Variants in DNHD1 observed in about 807,000 individuals in gnomAD.
DNHD1 encodes the protein dynein heavy chain domain-containing protein 1.
Under a neutral mutation model 458.1 loss-of-function variants are expected in DNHD1, and 383 were observed. The ratio of observed to expected loss-of-function variants is 0.84; its 90% confidence interval spans 0.77 to 0.91. The LOEUF is 0.91. Among genes scored for constraint, DNHD1 ranks in the 40% least tolerant of loss-of-function variants. DNHD1 has a pLI of 0.00. For missense variants in DNHD1, 5,336 were observed against 5,866.1 expected (o/e 0.91, Z 2.95); for synonymous variants, 2,203 against 2,376.9 (o/e 0.93, Z 2.13).
At chr11:6,530,712 C>T (rs1404944365) in intron 12 of DNHD1, among the ~76,000 whole-genome samples, 1 of 152,190 alleles carries the variant, frequency 6.6e-6, no homozygotes, top group Non-Finnish European at 1.5e-5. Flanking sequence ...CATTAGGTAT[C>T]CAGTGGGCCA....
chr11:6,567,191 A>C lies in DNHD1; in HGVS notation c.11682A>C (p.Pro3894=). ...VTKQALDSMK[P]REINHGEDLA... Reference sequence around the variant, plus strand: ...AGCAGGCTCTGGACAGCATGAAGCCACGTGAGATTAATCACGGGGAGGACC... The same window carrying C: ...AGCAGGCTCTGGACAGCATGAAGCCCCGTGAGATTAATCACGGGGAGGACC... Residue 3894 remains proline (P), a synonymous_variant, in exon 36 of 43, where the codon CCA becomes CCC. Transcript: ENST00000254579. 6.2e-7 allele frequency: 1 copy of C among 1,614,052 alleles called. No individual in the cohort carries two copies.
rs746351013 is a variant in DNHD1, at chr11:6,566,404, G to A, written c.11206+11G>A. ...GTGCCATGGAAAAAGGTGAGGCCCAGAGGGCAAATTGCCAGCACAGTTGTG... is the reference window on the plus strand; with the variant it reads ...GTGCCATGGAAAAAGGTGAGGCCCAAAGGGCAAATTGCCAGCACAGTTGTG... On this transcript the variant is annotated intron_variant, in intron 34 of 42. Coordinates refer to ENST00000254579, the MANE Select transcript of DNHD1 (RefSeq NM_144666.3). 4.9e-5 allele frequency: 77 copies of A among 1,558,226 alleles called. 1 individual carries two copies. The Admixed American group carries it at 1.4e-3, about 29-fold the overall frequency.
At chr11:6,569,369 G>C (rs1319645275) in intron 39 of DNHD1, among the ~76,000 whole-genome samples, 1 of 152,140 alleles carries the variant, frequency 6.6e-6, no homozygotes, top group Non-Finnish European at 1.5e-5. Context: ...TGTAGTCCCA[G>C]CTACTTGGGA....
At position 6,545,681 on chromosome 11, in the gene DNHD1, A is replaced by AC; in HGVS notation, c.4744dup (p.Arg1582ProfsTer14). ...GCCCTGCTGGTCATGGCAGTGACTCACCGGGATATAGCACAGCTGCTGGAA... is the reference window on the plus strand; with the variant it reads ...GCCCTGCTGGTCATGGCAGTGACTCACCCGGGATATAGCACAGCTGCTGGAA... On this transcript the variant is annotated frameshift_variant, in exon 21 of 43. Transcript: ENST00000254579. This position sits in a 1 kb window ranked among gnomAD's most constrained non-coding sequence, Gnocchi z 4.9. 6.4e-7 allele frequency: 1 copy of AC among 1,551,696 alleles called. No individual in the cohort carries two copies. The highest frequency in any genetic ancestry group is 8.7e-7 in the Non-Finnish European group (1 of 1,147,004).
intron 10 of DNHD1, 23 bp from the exon 11 acceptor site, chr11:6,528,499 A>T: frequency 1.3e-6 from 2 of 1,538,890 alleles, no homozygotes; most frequent in South Asian, 1.2e-5. Flanking sequence ...ACTCACGGAC[A>T]ATTATGGCCT....
In DNHD1 at chr11:6,571,152, C is replaced by A. The variant is rs749195884; in HGVS notation, c.13640C>A (p.Pro4547Gln). ...WRPHAPAGPQ[P>Q]PWHWLRQLSR... ...CCTCATGCGCCGGCCGGTCCGCAGCCGCCCTGGCACTGGCTGCGACAGTTG... is the reference window on the plus strand; with the variant it reads ...CCTCATGCGCCGGCCGGTCCGCAGCAGCCCTGGCACTGGCTGCGACAGTTG... Residue 4547 changes from proline to glutamine, a missense_variant, in exon 42 of 43, where the codon CCG (proline) becomes CAG (glutamine). By Grantham distance (76) the Pro-to-Gln change is moderately conservative. Around this residue, in one of 4 missense-constraint regions of DNHD1, gnomAD observed 698 missense variants for 664.9 expected, o/e 1.05. Coordinates refer to ENST00000254579, the MANE Select transcript of DNHD1 (RefSeq NM_144666.3). This position sits in a 1 kb window ranked among gnomAD's most constrained non-coding sequence, Gnocchi z 5.0. 1 of 1,602,554 alleles carries A rather than the reference C, an allele frequency of 6.2e-7. No homozygotes were observed. Among genetic ancestry groups the A allele is most frequent in the Non-Finnish European group, 8.5e-7 (1 of 1,175,522 alleles).
At chr11:6,533,336 A>C (rs1356351012) in intron 13 of DNHD1, among the ~76,000 whole-genome samples, 152 bp downstream of exon 13, 1 of 152,126 alleles carries the variant, frequency 6.6e-6, no homozygotes, top group Non-Finnish European at 1.5e-5. Flanking sequence ...GCTAATTCTT[A>C]CCCTGTCCAT....
Position 6,567,085 on chromosome 11 carries a change from C to T in DNHD1, c.11576C>T (p.Ala3859Val). 6.2e-7 allele frequency: 1 copy of T among 1,614,014 alleles called. No homozygotes were observed. The highest frequency in any genetic ancestry group is 8.5e-7 in the Non-Finnish European group (1 of 1,179,896). ...PYRPVVWHGM[A>V]MVKALSQLQN... The stretch of plus-strand genomic sequence containing the variant: ...CGACCTGTGGTTTGGCATGGAATGG[C>T]CATGGTAAAGGCCCTAAGCCAACTG... Residue 3859 changes from alanine to valine, a missense_variant, in exon 36 of 43, where the codon GCC becomes GTC. By Grantham distance (64) the Ala-to-Val change is moderately conservative (BLOSUM62 0). Coordinates refer to ENST00000254579, the MANE Select transcript of DNHD1 (RefSeq NM_144666.3).
At position 6,511,375 on chromosome 11, in the gene DNHD1, G is replaced by C. The variant is rs775348434; in HGVS notation, c.1338G>C (p.Lys446Asn). ...LQTALAEEKHKALRLLHRCLN... is the reference protein window; with the variant it reads ...LQTALAEEKHNALRLLHRCLN... ...CGGCTCTAGCCGAGGAGAAGCATAA[G>C]GCTCTACGGCTGCTCCATCGTTGCC... is the stretch of plus-strand genomic sequence containing the variant. Residue 446 changes from lysine (K) to asparagine (N), a missense_variant, in exon 7 of 43, where the codon AAG (lysine) becomes AAC (asparagine). Around this residue, in one of 4 missense-constraint regions of DNHD1, gnomAD observed 3,932 missense variants for 4,365.6 expected, o/e 0.90. Transcript: ENST00000254579. 5 of 1,614,134 alleles carry C rather than the reference G, an allele frequency of 3.1e-6. No homozygotes were observed. The African/African-American group carries it at 6.7e-5, about 22-fold the overall frequency.
chr11:6,502,904 G>T lies in DNHD1; in HGVS notation c.898G>T (p.Val300Leu). The T allele has an allele frequency of 6.2e-7, 1 of 1,613,646 alleles. No homozygotes were observed. Among genetic ancestry groups the T allele is most frequent in the African/African-American group, 1.3e-5 (1 of 75,004 alleles). ...LKKIHFLYLN[V>L]APSRYFRPYS... Reference sequence around the variant, plus strand: ...GAAGATCCACTTCCTCTATCTCAATGTGGCTCCCAGCCGGTACTTTAGGTG... The same window carrying T: ...GAAGATCCACTTCCTCTATCTCAATTTGGCTCCCAGCCGGTACTTTAGGTG... Residue 300 changes from valine to leucine, a missense_variant, in exon 4 of 43, where the codon GTG (valine) becomes TTG (leucine). Transcript: ENST00000254579.
At chr11:6,558,724 A>G in intron 26 of DNHD1, 31 bp downstream of exon 26, 1 of 1,543,732 alleles carries the variant, frequency 6.5e-7, no homozygotes, top group Non-Finnish European at 8.7e-7. Flanking sequence ...CTTACCACTC[A>G]TCTCTACCAG....
At chr11:6,526,893 G>A (rs1460381362) in intron 10 of DNHD1, among the ~76,000 whole-genome samples, 3 of 152,184 alleles carry the variant, frequency 2.0e-5, no homozygotes, top group Non-Finnish European at 4.4e-5. Context: ...CCCAGTAAAT[G>A]CTTGATGACT....
rs930399216 is a variant in DNHD1, at chr11:6,498,631, C to T, written c.416C>T (p.Ser139Phe). The T allele has an allele frequency of 6.2e-7, 1 of 1,614,224 alleles. No individual in the cohort carries two copies. The highest frequency in any genetic ancestry group is 8.5e-7 in the Non-Finnish European group (1 of 1,180,046). ...AIVQAFPPDS[S>F]LLDSASHADC... ...GTCCAGGCCTTTCCTCCAGACAGCT[C>T]TTTGTTAGACAGTGCTTCCCATGCT... is the stretch of plus-strand genomic sequence containing the variant. The change falls in exon 3 of 43, where the codon TCT becomes TTT. Residue 139 changes from serine (S) to phenylalanine (F), a missense_variant. By Grantham distance (155) the Ser-to-Phe change is radical (BLOSUM62 -2). Coordinates refer to ENST00000254579, the MANE Select transcript of DNHD1 (RefSeq NM_144666.3).
At position 6,509,253 on chromosome 11, in the gene DNHD1, G is replaced by A; in HGVS notation, c.1216G>A (p.Gly406Arg). Residue 406 changes from glycine (G) to arginine (R), a missense_variant, in exon 6 of 43, where the codon GGG becomes AGG. Around this residue, in one of 4 missense-constraint regions of DNHD1, gnomAD observed 3,932 missense variants for 4,365.6 expected, o/e 0.90. Transcript: ENST00000254579. The part of the protein sequence containing the change: ...LLLAVPHFGA[G>R]LLHISRLLQE... ...CTTGGCTGTGCCCCACTTTGGAGCTGGGCTACTCCATATTAGCAGGTGAGG... is the reference window on the plus strand; with the variant it reads ...CTTGGCTGTGCCCCACTTTGGAGCTAGGCTACTCCATATTAGCAGGTGAGG... 6.2e-7 allele frequency: 1 copy of A among 1,613,690 alleles called. No homozygotes were observed. Among genetic ancestry groups the A allele is most frequent in the South Asian group, 1.1e-5 (1 of 90,946 alleles).
chr11:6,557,824 G>A lies in DNHD1; in HGVS notation c.8529G>A (p.Glu2843=), dbSNP rs1278110261. ...TPNLYLERQW[E]KLEEQLATSA... ...ACTTGTACCTGGAACGACAGTGGGA[G>A]AAGCTAGAGGAGCAGTTGGCCACCT... The change falls in exon 25 of 43, where the codon GAG becomes GAA. Residue 2843 remains glutamate, a synonymous_variant. Transcript: ENST00000254579. 1 of 1,551,292 alleles carries A rather than the reference G, an allele frequency of 6.4e-7. No individual in the cohort carries two copies. Among genetic ancestry groups the A allele is most frequent in the South Asian group, 1.2e-5 (1 of 84,062 alleles).
rs1312139767 is a variant in DNHD1, at chr11:6,562,939, G to A, written c.9520-43G>A. 8.4e-6 allele frequency: 13 copies of A among 1,539,090 alleles called. No individual in the cohort carries two copies. The Admixed American group carries it at 2.6e-4, about 31-fold the overall frequency. The stretch of plus-strand genomic sequence containing the variant: ...TAGGGTCTTCTGGGGTTTCCCGCGT[G>A]GCCCAAGATCTGGAGCTGCAGGGCC... On this transcript the variant is annotated intron_variant, in intron 28 of 42. Transcript: ENST00000254579.
Position 6,498,002 on chromosome 11 carries a change from G to A in DNHD1, c.-214G>A. ...CTCTCTGCTGGTCTGGCTCTGCTCTGTAGCTCCATCTATTTCCCTGTCCCA... is the reference window on the plus strand; with the variant it reads ...CTCTCTGCTGGTCTGGCTCTGCTCTATAGCTCCATCTATTTCCCTGTCCCA... On this transcript the variant is annotated 5_prime_UTR_variant, in exon 3 of 43. Transcript: ENST00000254579. 1 of 644,522 alleles carries A rather than the reference G, an allele frequency of 1.6e-6. No individual in the cohort carries two copies. Among genetic ancestry groups the A allele is most frequent in the Non-Finnish European group, 2.7e-6 (1 of 373,076 alleles). The allele number at this position is 644,522 out of a possible 1,614,324, so 39.9% of individuals were successfully genotyped here. A position where few individuals can be genotyped will look rare whatever the true frequency, so the allele number is the denominator to read the frequency against.
intron 3 of DNHD1, among the ~76,000 whole-genome samples, chr11:6,500,090 G>A (rs950491992): frequency 9.2e-5 from 14 of 151,784 alleles, no homozygotes; most frequent in Non-Finnish European, 1.9e-4. Context: ...TCAGCCTCCC[G>A]AGTAGCTGGG....
rs1353466416 is a variant in DNHD1, at chr11:6,568,566, T to G, written c.12651T>G (p.Ala4217=). The change falls in exon 38 of 43, where the codon GCT becomes GCG. Residue 4217 remains alanine, a synonymous_variant. Coordinates refer to ENST00000254579, the MANE Select transcript of DNHD1 (RefSeq NM_144666.3). Reference sequence around the variant, plus strand: ...TTATTGTGCCTGCAGAGTCTAGTGCTTCTTTGCCAGGTGAGGAGCTTAACC... The same window carrying G: ...TTATTGTGCCTGCAGAGTCTAGTGCGTCTTTGCCAGGTGAGGAGCTTAACC... ...LWLIVPAESS[A]SLPAVLTQHS... 1.2e-6 allele frequency: 2 copies of G among 1,613,908 alleles called. No individual in the cohort carries two copies. Among genetic ancestry groups the G allele is most frequent in the East Asian group, 4.5e-5 (2 of 44,896 alleles).
Sources: allele counts gnomAD v4.1 joint callset (sites outside exome capture counted in the v4.1 genomes callset), GRCh38; gene constraint gnomAD v4.1.1; regional missense constraint gnomAD v4.1.1; non-coding constraint Gnocchi (gnomAD v3.1); transcripts MANE v1.5; gene names NCBI Gene and HGNC (gene_info 2026-07-23, HGNC 2026-07-21).